Variants in BCL2 observed in about 807,000 individuals in gnomAD.
BCL2 encodes apoptosis regulator Bcl-2.
Under a neutral mutation model 14.2 loss-of-function variants are expected in BCL2, and 1 was observed. The ratio of observed to expected loss-of-function variants is 0.07; its 90% CI spans 0.02 to 0.33. The LOEUF (loss-of-function observed/expected upper bound fraction) is 0.33. Ranked by LOEUF, BCL2 falls within the 10% of genes least tolerant of loss-of-function variation. BCL2 has a pLI of 0.99. For synonymous variants in BCL2, 151 were observed against 137.2 expected, an observed-to-expected ratio of 1.10 and a Z score of -0.70; for missense variants, 247 against 305.9, an observed-to-expected ratio of 0.81 and a Z score of 1.44.
At chr18:63,290,914 C>G (rs1912626760) in intron 2 of BCL2, among the ~76,000 whole-genome samples, 1 of 152,136 alleles carries the variant, frequency 6.6e-6, no homozygotes, top group African/African-American at 2.4e-5. Context: ...TTTCCCAGGT[C>G]ATTATCAACA....
chr18:63,315,899 T>C (rs1213162334), intron 2 of BCL2: 1 of 152,372 alleles, frequency 6.6e-6, no homozygotes, highest in East Asian at 1.9e-4. Flanking sequence ...TGTTTTCCTA[T>C]ATAGTCACCA....
intron 2 of BCL2, among the ~76,000 whole-genome samples, chr18:63,289,991 T>C (rs1332467897): frequency 1.3e-5 from 2 of 152,014 alleles, no homozygotes; most frequent in South Asian, 4.1e-4. Flanking sequence ...TGAATTCCCC[T>C]AGGGAAGAGT....
At chr18:63,287,973 T>C (rs1912522516) in intron 2 of BCL2, among the ~76,000 whole-genome samples, 1 of 152,118 alleles carries the variant, frequency 6.6e-6, no homozygotes, top group Non-Finnish European at 1.5e-5. Context: ...TCTGTCTGGG[T>C]GGACAGTGAT....
chr18:63,217,422 G>C (rs549827572), intron 2 of BCL2, among the ~76,000 whole-genome samples: 5 of 152,082 alleles, frequency 3.3e-5, no homozygotes, highest in Non-Finnish European at 7.4e-5. Flanking sequence ...CCAATGGTCA[G>C]GAAAAAAATG....
chr18:63,218,374 G>A (rs1910265859), intron 2 of BCL2, among the ~76,000 whole-genome samples: 1 of 151,950 alleles, frequency 6.6e-6, no homozygotes, highest in Non-Finnish European at 1.5e-5. Flanking sequence ...CTCCCTACTG[G>A]GGCACAGCAG....
At chr18:63,312,586 A>C (rs1240168708) in intron 2 of BCL2, among the ~76,000 whole-genome samples, 6 of 152,266 alleles carry the variant, frequency 3.9e-5, no homozygotes, top group Non-Finnish European at 8.8e-5. Context: ...CCAGTGTTAC[A>C]ATGGACTGTG....
chr18:63,128,382 C>A lies in BCL2; in HGVS notation c.*243G>T, dbSNP rs1913969960. On this transcript the variant is annotated 3_prime_UTR_variant, in exon 3 of 3. Coordinates refer to ENST00000333681, the MANE Select transcript of BCL2 (RefSeq NM_000633.3). ...GTCTTAAATAAATAAATCTTTTTTT[C>A]TTAATAATGTAAAAAATAAATGATA... 2 of 378,044 alleles carry A rather than the reference C, an allele frequency of 5.3e-6. No homozygotes were observed. The highest frequency in any genetic ancestry group is 9.5e-6 in the Non-Finnish European group (2 of 210,702). 23.4% of individuals were successfully genotyped at this position (378,044 alleles called of 1,614,324 possible).
chr18:63,215,697 A>G (rs1038700994), intron 2 of BCL2, among the ~76,000 whole-genome samples: 1 of 152,228 alleles, frequency 6.6e-6, no homozygotes, highest in Admixed American at 6.5e-5. Flanking sequence ...AGTGTCCATG[A>G]TAAGAACCGC....
At chr18:63,262,619 G>T (rs113809359) in intron 2 of BCL2, among the ~76,000 whole-genome samples, 1 of 152,300 alleles carries the variant, frequency 6.6e-6, no homozygotes, top group African/African-American at 2.4e-5. Context: ...GGGTACCTTT[G>T]CTCCGACCAG....
chr18:63,279,316 GA>G (rs748917279), intron 2 of BCL2, among the ~76,000 whole-genome samples: 3 of 152,240 alleles, frequency 2.0e-5, no homozygotes, highest in Non-Finnish European at 4.4e-5. Flanking sequence ...TGCATAGCCA[GA>G]AGCTGCAAAG....
At chr18:63,216,361 C>T (rs1051014657) in intron 2 of BCL2, among the ~76,000 whole-genome samples, 10 of 143,152 alleles carry the variant, frequency 7.0e-5, no homozygotes, top group African/African-American at 1.8e-4. Context: ...GAAGAAACAG[C>T]GAACACTGAA....
Position 63,318,776 on chromosome 18 carries a change from T to G in BCL2, c.-110A>C. ...TATAATCCAGCTATTTTATTGGATG[T>G]GCTTTGCATTCTTGGACGAGGGGGT... On this transcript the variant is annotated 5_prime_UTR_variant, in exon 2 of 3. Transcript: ENST00000333681. This position sits in a 1 kb window ranked among gnomAD's most constrained non-coding sequence, Gnocchi z 7.4. The G allele has an allele frequency of 4.6e-6, 7 of 1,509,274 alleles. No individual in the cohort carries two copies. Among genetic ancestry groups the G allele is most frequent in the Non-Finnish European group, 6.2e-6 (7 of 1,130,458 alleles). 93.5% of individuals were successfully genotyped at this position (1,509,274 alleles called of 1,614,324 possible).
At chr18:63,256,623 G>C (rs1911484920) in intron 2 of BCL2, among the ~76,000 whole-genome samples, 1 of 152,158 alleles carries the variant, frequency 6.6e-6, no homozygotes, top group African/African-American at 2.4e-5. Flanking sequence ...GCCCAACACA[G>C]CACATGTTGG....
intron 2 of BCL2, among the ~76,000 whole-genome samples, chr18:63,169,217 A>AT (rs1161245729): frequency 1.3e-5 from 2 of 151,152 alleles, no homozygotes; most frequent in Admixed American, 6.6e-5. Flanking sequence ...TCTAAGTTAA[A>AT]TGCAGACAGA....
At chr18:63,316,155 A>C (rs1478557714) in intron 2 of BCL2, 4 of 152,532 alleles carry the variant, frequency 2.6e-5, no homozygotes, top group Non-Finnish European at 5.9e-5. Context: ...CTTTACTTAA[A>C]AAGAAACTTC....
chr18:63,163,893 G>A (rs1052375961), intron 2 of BCL2, among the ~76,000 whole-genome samples: 1 of 152,212 alleles, frequency 6.6e-6, no homozygotes, highest in Non-Finnish European at 1.5e-5. Flanking sequence ...TTCAGAGTCT[G>A]TGCTCTTAGT....
chr18:63,283,644 C>T (rs980698812), intron 2 of BCL2, among the ~76,000 whole-genome samples: 3 of 152,204 alleles, frequency 2.0e-5, no homozygotes, highest in Non-Finnish European at 4.4e-5. Context: ...CAACCCAGAA[C>T]CACACGCAGA....
chr18:63,172,552 C>A (rs185554740), intron 2 of BCL2, among the ~76,000 whole-genome samples: 1,628 of 152,250 alleles, frequency 0.011, 34 homozygotes, highest in African/African-American at 0.037. Flanking sequence ...GAGGCCGAGG[C>A]GGGTGGATCA....
chr18:63,186,979 T>C (rs555320982), intron 2 of BCL2, among the ~76,000 whole-genome samples: 4 of 152,364 alleles, frequency 2.6e-5, no homozygotes, highest in Non-Finnish European at 5.9e-5. Context: ...CTTCTTTTCA[T>C]GTGAATATCC....
Sources: gnomAD v4.1 joint callset for allele counts (sites outside exome capture counted in the v4.1 genomes callset) on GRCh38, gnomAD v4.1.1 for gene constraint, Gnocchi (gnomAD v3.1) non-coding constraint, MANE v1.5 for transcripts, NCBI Gene and HGNC (gene_info 2026-07-23, HGNC 2026-07-21) for gene names.